Variants in CEP57L1 observed in about 807,000 individuals in gnomAD.
CEP57L1 encodes centrosomal protein 57 like 1.
Under a neutral mutation model 61.0 loss-of-function variants are expected in CEP57L1, and 37 were observed. The observed-to-expected ratio is 0.61, with a 90% CI of 0.47 to 0.80. CEP57L1 has a LOEUF of 0.80. Ranked by LOEUF, CEP57L1 falls within the 30% of genes least tolerant of loss-of-function variation. CEP57L1 has a pLI of 0.00. For missense variants in CEP57L1, 422 were observed against 524.7 expected (o/e 0.80, Z 1.91); for synonymous variants, 137 against 162.3 (o/e 0.84, Z 1.19).
rs1583691295 is a variant in CEP57L1 at position 109,163,742 on chromosome 6, T to G, written c.*772T>G. 6.6e-6 allele frequency: 1 copy of G among 152,260 alleles called. No individual in the cohort carries two copies. Among genetic ancestry groups the G allele is most frequent in the East Asian group, 1.9e-4 (1 of 5,182 alleles). 9.4% of individuals were successfully genotyped at this position (152,260 alleles called of 1,614,324 possible). A position where few individuals can be genotyped will look rare whatever the true frequency, so the allele number is the denominator to read the frequency against. ...ACCCACAAAAGTGGTATTTTTTTTT[T>G]GTACAAGAAAGTATAGAGGAAGAGG... On this transcript the variant is annotated 3_prime_UTR_variant, in exon 11 of 11. Transcript: ENST00000517392.
At chr6:109,097,395 C>T (rs1271215048) in intron 1 of CEP57L1, among the ~76,000 whole-genome samples, 1 of 152,114 alleles carries the variant, frequency 6.6e-6, no homozygotes, top group African/African-American at 2.4e-5. Context: ...TCAGTGGTGT[C>T]CTACTACTGT....
chr6:109,104,562 TTTTTTTGTTTG>T lies in CEP57L1; in HGVS notation c.-4+9002_-4+9012del, dbSNP rs1355888635. Among the ~76,000 whole-genome samples the T allele has an allele frequency of 7.9e-5, 12 of 152,036 alleles. No individual in the cohort carries two copies. In the East Asian group the frequency reaches 1.5e-3, roughly 20 times the overall value. On this transcript the variant is annotated intron_variant, in intron 1 of 10. Coordinates refer to ENST00000517392, the MANE Select transcript of CEP57L1 (RefSeq NM_001271852.3). ...ACAAAACTTAATATTGATAGGCGTG[TTTTTTTGTTTG>T]TTTTTTGTTTGTTTGTTTTGTTTTG...
chr6:109,151,367 G>C (rs1236870414), intron 4 of CEP57L1, among the ~76,000 whole-genome samples: 2 of 152,148 alleles, frequency 1.3e-5, no homozygotes, highest in Admixed American at 6.5e-5. Context: ...CTTTTTAATA[G>C]CTGCTCTATG....
chr6:109,108,610 T>G (rs1218790691), intron 1 of CEP57L1, among the ~76,000 whole-genome samples: 1 of 152,204 alleles, frequency 6.6e-6, no homozygotes, highest in East Asian at 1.9e-4. Flanking sequence ...TGCTGTGATT[T>G]TTTTGGCCTT....
intron 1 of CEP57L1, among the ~76,000 whole-genome samples, chr6:109,123,516 A>G (rs1450740853): frequency 6.6e-6 from 1 of 152,216 alleles, no homozygotes. Context: ...AGTGCCTCAC[A>G]TGTAGCAAGC....
intron 7 of CEP57L1, chr6:109,157,249 A>G (rs1180136058): frequency 6.6e-6 from 1 of 152,126 alleles, no homozygotes; most frequent in African/African-American, 2.4e-5. Context: ...GGGAGTGCTA[A>G]AGTTGCTGAA....
chr6:109,116,629 A>G (rs1772343783), intron 1 of CEP57L1, among the ~76,000 whole-genome samples: 1 of 152,188 alleles, frequency 6.6e-6, no homozygotes, highest in African/African-American at 2.4e-5. Context: ...AACTTTGTCT[A>G]AAGTATAGTA....
At chr6:109,129,488 T>G (rs975259821) in intron 1 of CEP57L1, 12 of 474,620 alleles carry the variant, frequency 2.5e-5, no homozygotes, top group African/African-American at 2.0e-4. Context: ...TCTTCCCAGA[T>G]GAAGGTAGAG....
At chr6:109,136,518 A>T (rs1008749119) in intron 1 of CEP57L1, among the ~76,000 whole-genome samples, 1 of 151,604 alleles carries the variant, frequency 6.6e-6, no homozygotes, top group Non-Finnish European at 1.5e-5. Flanking sequence ...TACATATGTA[A>T]CAAACCTGCA....
intron 1 of CEP57L1, among the ~76,000 whole-genome samples, chr6:109,137,365 C>T (rs1486047052): frequency 1.3e-5 from 2 of 151,754 alleles, no homozygotes; most frequent in Admixed American, 1.3e-4. Flanking sequence ...GCGGTGGCCC[C>T]ATCTCGGCTC....
intron 1 of CEP57L1, among the ~76,000 whole-genome samples, chr6:109,114,736 A>G (rs1772083116): frequency 6.6e-6 from 1 of 152,160 alleles, no homozygotes. Context: ...GAAAGGGAAG[A>G]TGCTGATCAA....
rs1583529844 is a variant in CEP57L1, at chr6:109,135,495, T to G, written c.-3-9724T>G. Among the ~76,000 whole-genome samples, 3 of 152,290 alleles carry G rather than the reference T, an allele frequency of 2.0e-5. No individual in the cohort carries two copies. In the Middle Eastern group the frequency reaches 0.01, roughly 518 times the overall value. On this transcript the variant is annotated intron_variant, in intron 1 of 10. Coordinates refer to ENST00000517392, the MANE Select transcript of CEP57L1 (RefSeq NM_001271852.3). ...AACCTAGGCAATACCATTCAGGACA[T>G]AGGCATGGGCAAGGACTTCATGTCA...
chr6:109,160,624 T>C lies in CEP57L1; in HGVS notation c.1069T>C (p.Cys357Arg). ...QMKETESHSV[C>R]DDIECELECL... ...GAAGGAAACTGAAAGTCATTCAGTCTGTGACGACATAGAATGTGAACTAGA... is the reference window on the plus strand; with the variant it reads ...GAAGGAAACTGAAAGTCATTCAGTCCGTGACGACATAGAATGTGAACTAGA... The change falls in exon 10 of 11, where the codon TGT becomes CGT. Residue 357 changes from cysteine (C) to arginine (R), a missense_variant. Coordinates refer to ENST00000517392, the MANE Select transcript of CEP57L1 (RefSeq NM_001271852.3). 1 of 1,606,998 alleles carries C rather than the reference T, an allele frequency of 6.2e-7. No individual in the cohort carries two copies.
chr6:109,118,430 C>T (rs1454743591), intron 1 of CEP57L1, among the ~76,000 whole-genome samples: 1 of 152,170 alleles, frequency 6.6e-6, no homozygotes, highest in Admixed American at 6.5e-5. Context: ...TATGCTGTTC[C>T]TCATGTTAAT....
chr6:109,107,872 C>T lies in CEP57L1; in HGVS notation c.-4+12297C>T, dbSNP rs141298252. Among the ~76,000 whole-genome samples, 1,018 of 151,902 alleles carry T rather than the reference C, an allele frequency of 6.7e-3. 10 individuals are homozygous for T. Among genetic ancestry groups the T allele is most frequent in the African/African-American group, 0.023 (949 of 41,380 alleles). On this transcript the variant is annotated intron_variant, in intron 1 of 10. Transcript: ENST00000517392. ...AGGAGAATCACTTGAACCTGGGAGA[C>T]GCAGGTTGTAGTGAGACGAGATCGT...
chr6:109,112,981 A>T (rs528255185), intron 1 of CEP57L1, among the ~76,000 whole-genome samples: 1 of 152,286 alleles, frequency 6.6e-6, no homozygotes, highest in East Asian at 1.9e-4. Flanking sequence ...AGGAATGTAT[A>T]TTCTGTTGAT....
At chr6:109,157,642 G>T (rs1329205691) in intron 7 of CEP57L1, 1 of 152,286 alleles carries the variant, frequency 6.6e-6, no homozygotes, top group African/African-American at 2.4e-5. Flanking sequence ...GTCCAGTAGT[G>T]GGGGTGAGAT....
chr6:109,156,054 T>G, intron 7 of CEP57L1, 177 bp downstream of exon 7: 1 of 430,376 alleles, frequency 2.3e-6, no homozygotes, highest in Non-Finnish European at 4.2e-6. Context: ...GAAAATTTCA[T>G]AAGATTCAGG....
intron 1 of CEP57L1, among the ~76,000 whole-genome samples, chr6:109,108,692 T>C (rs1218567017): frequency 6.6e-6 from 1 of 152,210 alleles, no homozygotes; most frequent in Non-Finnish European, 1.5e-5. Flanking sequence ...ATTGTTTGAA[T>C]TCTGTTACTC....
Sources: gnomAD v4.1 joint callset for allele counts (sites outside exome capture counted in the v4.1 genomes callset) on GRCh38, gnomAD v4.1.1 for gene constraint, MANE v1.5 for transcripts, NCBI Gene and HGNC (gene_info 2026-07-23, HGNC 2026-07-21) for gene names.